NCOA7: variants seen among roughly 807,000 people sequenced by gnomAD.
NCOA7 encodes nuclear receptor coactivator 7.
Under a neutral mutation model 104.3 loss-of-function variants are expected in NCOA7, and 45 were observed. The observed-to-expected ratio is 0.43, with a 90% CI of 0.34 to 0.55. The LOEUF (loss-of-function observed/expected upper bound fraction) is 0.55, where lower values mean the gene tolerates loss of function less well. NCOA7 is among the 20% of genes least tolerant of loss of function. The pLI is 0.02. For missense variants in NCOA7, 1,041 were observed against 1,119.7 expected (o/e 0.93, Z 1.00); for synonymous variants, 398 against 402.3 (o/e 0.99, Z 0.13).
At chr6:125,786,250 G>C (rs1758162270), upstream of NCOA7, 1 of 152,200 alleles carries the variant, frequency 6.6e-6, no homozygotes, top group Non-Finnish European at 1.5e-5. Context: ...CTCTGCGCTA[G>C]AGAAAGAAGG....
chr6:125,861,887 A>C (rs1782077889), intron 3 of NCOA7, among the ~76,000 whole-genome samples: 1 of 151,244 alleles, frequency 6.6e-6, no homozygotes, highest in South Asian at 2.1e-4. Context: ...AAATACAAAA[A>C]TTAGCTGGGC....
chr6:125,880,339 TTCTC>T (rs1783717155), intron 5 of NCOA7, among the ~76,000 whole-genome samples: 1 of 152,050 alleles, frequency 6.6e-6, no homozygotes, highest in African/African-American at 2.4e-5. Flanking sequence ...GAAGCCATGC[TTCTC>T]TCTCCTCATT....
In NCOA7 at chr6:125,921,041, G is replaced by A. The variant is rs773414033; in HGVS notation, c.2343G>A (p.Ala781=). 2.4e-5 allele frequency: 38 copies of A among 1,613,466 alleles called. No homozygotes were observed. The Admixed American group carries it at 2.7e-4, about 11-fold the overall frequency. The stretch of plus-strand genomic sequence containing the variant: ...TGCCTGTCCTACGGCCCCACAGCGC[G>A]CTCCTGGAGAATATGCACATCGAGC... ...EVLPVLRPHS[A]LLENMHIEQL... is the part of the protein sequence containing the mutation. Residue 781 remains alanine (A), a synonymous_variant, in exon 12 of 16, where the codon GCG becomes GCA. Coordinates refer to ENST00000392477, the MANE Select transcript of NCOA7 (RefSeq NM_181782.5).
At position 125,890,773 on chromosome 6, in the gene NCOA7, AAGC is replaced by A. The variant is rs1562148052; in HGVS notation, c.2063_2065del (p.Gln688del). On this transcript the variant is annotated inframe_deletion, in exon 10 of 16. Transcript: ENST00000392477. ...GGTCCAGCAGTACGGCAAACGGAGA[AAGC>A]AGCCAGAGTACTGGTTTGCTGTTCC... 12 of 1,612,992 alleles carry A rather than the reference AAGC, an allele frequency of 7.4e-6. No homozygotes were observed. The highest frequency in any genetic ancestry group is 1.0e-5 in the Non-Finnish European group (12 of 1,179,558).
At chr6:125,825,696 G>C (rs779627849) in intron 2 of NCOA7, among the ~76,000 whole-genome samples, 1 of 152,152 alleles carries the variant, frequency 6.6e-6, no homozygotes. Context: ...AAGGTCACTG[G>C]GGACTGAGCA....
chr6:125,818,098 T>C lies in NCOA7; in HGVS notation c.50+2694T>C, dbSNP rs73584365. 3.0e-3 allele frequency among the ~76,000 whole-genome samples: 449 copies of C among 150,618 alleles called. 1 individual carries two copies. Among genetic ancestry groups the C allele is most frequent in the African/African-American group, 0.011 (441 of 41,074 alleles). ...TTCCTTCTTTCTCCCACCTCCTCCT[T>C]CCTCCTCCTCCTTACTTTCTTCTTC... On this transcript the variant is annotated intron_variant, in intron 2 of 15. Transcript: ENST00000392477.
At chr6:125,901,931 G>A (rs185291146) in intron 10 of NCOA7, among the ~76,000 whole-genome samples, 11 of 152,216 alleles carry the variant, frequency 7.2e-5, no homozygotes, top group Non-Finnish European at 1.3e-4. Flanking sequence ...TCCTCCGACC[G>A]TCCCCGACCA....
chr6:125,904,373 T>C (rs569494667), intron 10 of NCOA7, among the ~76,000 whole-genome samples: 4 of 152,336 alleles, frequency 2.6e-5, no homozygotes, highest in Admixed American at 2.6e-4. Context: ...GGCCTGGGTA[T>C]CCTGCATCTC....
At chr6:125,834,433 G>A (rs34757557) in intron 2 of NCOA7, among the ~76,000 whole-genome samples, 2,230 of 152,238 alleles carry the variant, frequency 0.015, 27 homozygotes, top group African/African-American at 0.032. Flanking sequence ...TAGACATTTA[G>A]GGATGGAAAA....
At chr6:125,844,705 A>G (rs527918867) in intron 2 of NCOA7, among the ~76,000 whole-genome samples, 1 of 152,366 alleles carries the variant, frequency 6.6e-6, no homozygotes, top group South Asian at 2.1e-4. Context: ...AGAGTTAAAT[A>G]CAATTAATAT....
At chr6:125,784,329 TAG>T (rs1286423433) in intron 1 of NCOA7, among the ~76,000 whole-genome samples, 2 of 152,330 alleles carry the variant, frequency 1.3e-5, no homozygotes, top group African/African-American at 4.8e-5. Context: ...CTTAGTCTGG[TAG>T]AGTTCAAGTA....
chr6:125,798,315 A>C (rs1775534698), intron 1 of NCOA7: 1 of 152,230 alleles, frequency 6.6e-6, no homozygotes, highest in Non-Finnish European at 1.5e-5. Context: ...ACCTCTGTGC[A>C]GTTAGGAAGT....
intron 1 of NCOA7, among the ~76,000 whole-genome samples, chr6:125,814,142 T>A (rs2128570157): frequency 6.6e-6 from 1 of 152,350 alleles, no homozygotes; most frequent in African/African-American, 2.4e-5. Context: ...TACACTTTGC[T>A]TTATTTATTT....
upstream of NCOA7, among the ~76,000 whole-genome samples, chr6:125,788,196 A>C (rs150750780): frequency 1.9e-3 from 286 of 152,346 alleles, 4 homozygotes; most frequent in East Asian, 0.018. Context: ...AATAATGAAA[A>C]TGTTCTAGTT....
intron 1 of NCOA7, among the ~76,000 whole-genome samples, chr6:125,801,467 G>A (rs1200813808): frequency 1.3e-5 from 2 of 152,184 alleles, no homozygotes; most frequent in East Asian, 3.8e-4. Flanking sequence ...TTGCAACAGT[G>A]ATAGTGTATA....
At chr6:125,867,941 C>A (rs1202811445) in intron 3 of NCOA7, among the ~76,000 whole-genome samples, 1 of 152,142 alleles carries the variant, frequency 6.6e-6, no homozygotes, top group African/African-American at 2.4e-5. Flanking sequence ...GTAATAAGCC[C>A]GCTTCTATAG....
Position 125,929,955 on chromosome 6 carries a change from A to T in NCOA7, c.*1184A>T, listed in dbSNP as rs919065754. ...ATTGTCTTGGTTTCTTGATTCATTT[A>T]TTTGAGAAAAAAACAATACAAAGAA... On this transcript the variant is annotated 3_prime_UTR_variant, in exon 16 of 16. Transcript: ENST00000392477. 3.9e-5 allele frequency: 6 copies of T among 152,220 alleles called. No homozygotes were observed. The highest frequency in any genetic ancestry group is 1.4e-4 in the African/African-American group (6 of 41,470). 9.4% of individuals were successfully genotyped at this position (152,220 alleles called of 1,614,324 possible).
In NCOA7 at chr6:125,889,895, T is replaced by C; in HGVS notation, c.1841T>C (p.Leu614Pro). 1 of 1,607,840 alleles carries C rather than the reference T, an allele frequency of 6.2e-7. No individual in the cohort carries two copies. The highest frequency in any genetic ancestry group is 8.5e-7 in the Non-Finnish European group (1 of 1,178,348). Residue 614 changes from leucine (L) to proline (P), a missense_variant, in exon 9 of 16, where the codon CTG becomes CCG. By Grantham distance (98) the Leu-to-Pro change is moderately conservative. Coordinates refer to ENST00000392477, the MANE Select transcript of NCOA7 (RefSeq NM_181782.5). ...EALDSSLEST[L>P]DNSCQGAQMD... ...CTAGACTCCTCTTTGGAATCTACTC[T>C]GGACAACAGCTGTCAAGGTGCACAA...
At position 125,930,361 on chromosome 6, in the gene NCOA7, A is replaced by G. The variant is rs1438593608; in HGVS notation, c.*1590A>G. The G allele has an allele frequency of 6.6e-6, 1 of 152,396 alleles. No individual in the cohort carries two copies. Among genetic ancestry groups the G allele is most frequent in the Non-Finnish European group, 1.5e-5 (1 of 68,032 alleles). The allele number at this position is 152,396 out of a possible 1,614,324, so 9.4% of individuals were successfully genotyped here. A position where few individuals can be genotyped will look rare whatever the true frequency, so the allele number is the denominator to read the frequency against. On this transcript the variant is annotated 3_prime_UTR_variant, in exon 16 of 16. Transcript: ENST00000392477. ...AACAGCGAGACTCTGTCTTAAAAATAATAACAATAATAATAATAATAAAGA... is the reference window on the plus strand; with the variant it reads ...AACAGCGAGACTCTGTCTTAAAAATGATAACAATAATAATAATAATAAAGA...
Sources: gnomAD v4.1 joint callset for allele counts (sites outside exome capture counted in the v4.1 genomes callset) on GRCh38, gnomAD v4.1.1 for gene constraint, MANE v1.5 for transcripts, NCBI Gene and HGNC (gene_info 2026-07-23, HGNC 2026-07-21) for gene names.